The following PAX7 variants were observed in gnomAD, a reference collection of about 807,000 sequenced individuals.
PAX7 encodes paired box 7.
Under a neutral mutation model 50.7 loss-of-function variants are expected in PAX7, and 18 were observed. The ratio of observed to expected loss-of-function variants is 0.36; its 90% CI spans 0.25 to 0.53. The LOEUF (loss-of-function observed/expected upper bound fraction) is 0.53. Among genes scored for constraint, PAX7 ranks in the 20% least tolerant of loss-of-function variants. PAX7 has a pLI of 0.93. For missense variants in PAX7, 644 were observed against 702.9 expected (o/e 0.92, Z 0.95); for synonymous variants, 310 against 290.4 (o/e 1.07, Z -0.69).
At chr1:18,729,470 A>T (rs1323884523) in intron 7 of PAX7, among the ~76,000 whole-genome samples, 1 of 152,238 alleles carries the variant, frequency 6.6e-6, no homozygotes, top group Non-Finnish European at 1.5e-5. Flanking sequence ...GTGTATTTAC[A>T]TGCAAGTGTG....
At chr1:18,725,635 C>A (rs533476279) in intron 7 of PAX7, among the ~76,000 whole-genome samples, 11 of 152,352 alleles carry the variant, frequency 7.2e-5, no homozygotes, top group Non-Finnish European at 1.5e-4. Context: ...TGAAAGTGTG[C>A]TAATTAAATT....
intron 4 of PAX7, among the ~76,000 whole-genome samples, chr1:18,666,137 C>T (rs532017475): frequency 4.1e-4 from 62 of 152,280 alleles, no homozygotes; most frequent in Middle Eastern, 3.4e-3. Flanking sequence ...AGCTCCGTCT[C>T]AATAAAATAA....
rs1557510089 is a variant in PAX7 at position 18,651,829 on chromosome 1, C to CCG, written c.586+15458_586+15459insCG. ...CCCCCTCTCCCCTCCCCGCCCCCCC[C>CCG]ACCCCACCGCCTCTTCATGCACCTG... is the stretch of plus-strand genomic sequence containing the variant. On this transcript the variant is annotated intron_variant, in intron 4 of 8. Coordinates refer to ENST00000420770, the MANE Select transcript of PAX7 (RefSeq NM_001135254.2). Among the ~76,000 whole-genome samples the CCG allele has an allele frequency of 5.2e-4, 76 of 145,300 alleles. 1 individual carries two copies. Among genetic ancestry groups the CCG allele is most frequent in the African/African-American group, 1.9e-3 (72 of 37,694 alleles).
intron 7 of PAX7, among the ~76,000 whole-genome samples, chr1:18,715,867 G>A (rs764976590): frequency 8.5e-5 from 13 of 152,122 alleles, no homozygotes; most frequent in Admixed American, 3.3e-4. Context: ...AGTTAGCGCA[G>A]GGCCGGGATG....
intron 4 of PAX7, among the ~76,000 whole-genome samples, chr1:18,653,677 G>A (rs76945152): frequency 6.6e-6 from 1 of 151,886 alleles, no homozygotes; most frequent in South Asian, 2.1e-4. Flanking sequence ...GGTCGGGGGG[G>A]TTGTCCATGG....
chr1:18,744,224 A>C (rs1362870053), intron 8 of PAX7, among the ~76,000 whole-genome samples: 1 of 152,164 alleles, frequency 6.6e-6, no homozygotes, highest in African/African-American at 2.4e-5. Flanking sequence ...ACCTGCACTC[A>C]GGGATTCACA....
At position 18,700,228 on chromosome 1, in the gene PAX7, T is replaced by C. The variant is rs2089200935; in HGVS notation, c.787-425T>C. 1.3e-5 allele frequency among the ~76,000 whole-genome samples: 2 copies of C among 151,796 alleles called. No individual in the cohort carries two copies. The highest frequency in any genetic ancestry group is 6.6e-5 in the Admixed American group (1 of 15,232). ...GAAGTGCAGGTCTCATTCAGGTGGG[T>C]TGCAGATGCGTGGCTTCCTCCTGGG... On this transcript the variant is annotated intron_variant, in intron 5 of 8. Transcript: ENST00000420770. The surrounding 1 kb of genome is among the most constrained non-coding windows in gnomAD (Gnocchi z 4.8).
intron 4 of PAX7, among the ~76,000 whole-genome samples, chr1:18,655,770 GGT>G (rs549280757): frequency 0.015 from 2,128 of 143,546 alleles, 18 homozygotes; most frequent in African/African-American, 0.026. Context: ...ACTTGGAGAG[GGT>G]GTGTGTGTGT....
intron 5 of PAX7, among the ~76,000 whole-genome samples, chr1:18,692,646 A>G (rs1226002888): frequency 6.6e-6 from 1 of 152,216 alleles, no homozygotes; most frequent in Non-Finnish European, 1.5e-5. Flanking sequence ...GAGCAGAGGA[A>G]GTGATCAGGA....
Position 18,636,378 on chromosome 1 carries a change from A to G in PAX7, c.586+7A>G. 1 of 1,613,944 alleles carries G rather than the reference A, an allele frequency of 6.2e-7. No homozygotes were observed. Among genetic ancestry groups the G allele is most frequent in the Non-Finnish European group, 8.5e-7 (1 of 1,179,840 alleles). On this transcript the variant is annotated splice_region_variant and intron_variant, in intron 4 of 8. Transcript: ENST00000420770. The surrounding 1 kb of genome is among the most constrained non-coding windows in gnomAD (Gnocchi z 5.1). Reference sequence around the variant, plus strand: ...GGCATCCTGGGCGACAAAGGTAGGGAACTTCCCTGGGCTGCGAGGCCCCAG... The same window carrying G: ...GGCATCCTGGGCGACAAAGGTAGGGGACTTCCCTGGGCTGCGAGGCCCCAG...
At chr1:18,677,798 T>C (rs1364891309) in intron 4 of PAX7, among the ~76,000 whole-genome samples, 1 of 152,154 alleles carries the variant, frequency 6.6e-6, no homozygotes, top group African/African-American at 2.4e-5. Flanking sequence ...ATTAAAAGCA[T>C]TCTAGCCAGG....
rs1288219460 is a variant in PAX7 at position 18,745,439 on chromosome 1, G to A, written c.*510G>A. ...AGAACCACAGCCCTTTCCTCCTCTA[G>A]ACATTGGGACTCCAGCAAAGAGGGG... On this transcript the variant is annotated 3_prime_UTR_variant, in exon 9 of 9. Coordinates refer to ENST00000420770, the MANE Select transcript of PAX7 (RefSeq NM_001135254.2). The A allele has an allele frequency of 2.1e-5, 5 of 234,624 alleles. No homozygotes were observed. The highest frequency in any genetic ancestry group is 6.6e-5 in the African/African-American group (3 of 45,242). 14.5% of individuals were successfully genotyped at this position (234,624 alleles called of 1,614,324 possible).
intron 5 of PAX7, among the ~76,000 whole-genome samples, chr1:18,699,199 G>T (rs2089185788): frequency 6.6e-6 from 1 of 152,230 alleles, no homozygotes; most frequent in Non-Finnish European, 1.5e-5. Flanking sequence ...GTCCCGTGGA[G>T]CCTGAGTCTG....
intron 3 of PAX7, 102 bp downstream of exon 3, chr1:18,635,342 C>CTG: frequency 7.3e-7 from 1 of 1,371,150 alleles, no homozygotes; most frequent in Non-Finnish European, 9.9e-7. Context: ...TGATGGCTGA[C>CTG]TGTGAACTTA....
At chr1:18,691,617 G>C (rs999181623) in intron 4 of PAX7, 137 bp from the exon 5 acceptor site, 1 of 690,602 alleles carries the variant, frequency 1.4e-6, no homozygotes, top group South Asian at 1.9e-5. Flanking sequence ...TCTATCTTGT[G>C]CTTGGGAGGA....
chr1:18,694,414 A>G (rs892346242), intron 5 of PAX7, among the ~76,000 whole-genome samples: 2 of 151,504 alleles, frequency 1.3e-5, no homozygotes, highest in East Asian at 1.9e-4. Context: ...AGCCGAGATC[A>G]TGCCATTGCA....
At chr1:18,648,121 G>A (rs2088374577) in intron 4 of PAX7, among the ~76,000 whole-genome samples, 1 of 152,068 alleles carries the variant, frequency 6.6e-6, no homozygotes, top group Non-Finnish European at 1.5e-5. Flanking sequence ...TCTGGTTTGA[G>A]GAGATGGTGA....
chr1:18,631,765 G>A (rs2088052649), intron 1 of PAX7, 77 bp downstream of exon 1: 3 of 1,228,662 alleles, frequency 2.4e-6, no homozygotes, highest in African/African-American at 3.0e-5. Flanking sequence ...GCGGTCTCCA[G>A]GGGACGGTGG....
chr1:18,725,621 C>T (rs74703872), intron 7 of PAX7, among the ~76,000 whole-genome samples: 2,108 of 152,304 alleles, frequency 0.014, 53 homozygotes, highest in African/African-American at 0.048. Context: ...GGCCATTTGC[C>T]GCGTGAAAGT....
Sources: gnomAD v4.1 joint callset for allele counts (sites outside exome capture counted in the v4.1 genomes callset) on GRCh38, gnomAD v4.1.1 for gene constraint, Gnocchi (gnomAD v3.1) non-coding constraint, MANE v1.5 for transcripts, NCBI Gene and HGNC (gene_info 2026-07-23, HGNC 2026-07-21) for gene names.